Variants in FARS2 observed in about 807,000 individuals in gnomAD.
FARS2 encodes the protein phenylalanine--tRNA ligase, mitochondrial.
Under a neutral mutation model 46.4 loss-of-function variants are expected in FARS2, and 40 were observed. The ratio of observed to expected loss-of-function variants is 0.86; its 90% CI spans 0.67 to 1.12. The LOEUF is 1.12. Among genes scored for constraint, FARS2 ranks in the 50% most tolerant of loss-of-function variants. FARS2 has a pLI of 0.00. For missense variants in FARS2, 513 were observed against 567.9 expected (o/e 0.90, Z 0.98); for synonymous variants, 234 against 214.9 (o/e 1.09, Z -0.78).
chr6:5,584,608 T>C (rs1458984183), intron 5 of FARS2, among the ~76,000 whole-genome samples: 1 of 152,212 alleles, frequency 6.6e-6, no homozygotes, highest in Non-Finnish European at 1.5e-5. Context: ...TTAAAATGTA[T>C]TATTTGAAGA....
intron 6 of FARS2, among the ~76,000 whole-genome samples, chr6:5,633,262 CTTTTTTTTT>C (rs59797062): frequency 4.0e-5 from 2 of 50,046 alleles, no homozygotes; most frequent in Admixed American, 3.3e-4. Flanking sequence ...CCATCCCTGG[CTTTTTTTTT>C]TTTTTTTTTT....
intron 6 of FARS2, among the ~76,000 whole-genome samples, chr6:5,687,743 A>T: frequency 1.3e-5 from 2 of 152,264 alleles, no homozygotes; most frequent in Middle Eastern, 6.8e-3. Context: ...GAAGAAAGTC[A>T]TTGGTAACTT....
At chr6:5,736,265 G>T (rs1400547579) in intron 6 of FARS2, among the ~76,000 whole-genome samples, 1 of 152,198 alleles carries the variant, frequency 6.6e-6, no homozygotes, top group Admixed American at 6.5e-5. Flanking sequence ...GCAGGGAGAG[G>T]CCACATGTCT....
chr6:5,700,014 C>T (rs1430235779), intron 6 of FARS2, among the ~76,000 whole-genome samples: 5 of 152,200 alleles, frequency 3.3e-5, no homozygotes, highest in Admixed American at 6.5e-5. Context: ...GACTGACCTC[C>T]AGTCCCCGAA....
chr6:5,501,553 G>C (rs911235880), intron 4 of FARS2, among the ~76,000 whole-genome samples: 8 of 152,148 alleles, frequency 5.3e-5, no homozygotes, highest in Admixed American at 4.6e-4. Flanking sequence ...CTGGAGTGCA[G>C]TGGCGTGATC....
intron 6 of FARS2, among the ~76,000 whole-genome samples, chr6:5,719,540 G>A (rs1759753479): frequency 6.6e-6 from 1 of 152,170 alleles, no homozygotes. Context: ...TTGAAAGCGG[G>A]AGACCTTTCT....
upstream of FARS2, chr6:5,261,075 T>G (rs116440418): frequency 8.3e-3 from 3,735 of 451,680 alleles, 114 homozygotes; most frequent in African/African-American, 0.069. Context: ...ATAAGAGGAC[T>G]GGCCGCCCGT....
chr6:5,256,125 C>T (rs552050436), upstream of FARS2, among the ~76,000 whole-genome samples: 20 of 151,934 alleles, frequency 1.3e-4, no homozygotes, highest in South Asian at 2.1e-3. Context: ...TTAGTGGCTA[C>T]GGATGCTATT....
chr6:5,552,425 T>A (rs7744300), intron 5 of FARS2, among the ~76,000 whole-genome samples: 6 of 152,098 alleles, frequency 3.9e-5, no homozygotes, highest in Non-Finnish European at 8.8e-5. Context: ...TTTCTCTTCC[T>A]TGGTCTCCTT....
At chr6:5,581,181 C>G (rs1398294051) in intron 5 of FARS2, among the ~76,000 whole-genome samples, 1 of 152,204 alleles carries the variant, frequency 6.6e-6, no homozygotes, top group African/African-American at 2.4e-5. Context: ...CTGGTATGTG[C>G]CCAGCACCGG....
chr6:5,272,104 C>T (rs959421323), intron 1 of FARS2, among the ~76,000 whole-genome samples: 13 of 152,128 alleles, frequency 8.5e-5, no homozygotes, highest in African/African-American at 3.1e-4. Context: ...TGAATCCTCC[C>T]TTTGTCCAGT....
rs376817560 is a variant in FARS2 at position 5,725,323 on chromosome 6, G to A, written c.1218-45968G>A. Among the ~76,000 whole-genome samples, 19 of 152,362 alleles carry A rather than the reference G, an allele frequency of 1.2e-4. No homozygotes were observed. The South Asian group carries it at 3.9e-3, about 32-fold the overall frequency. On this transcript the variant is annotated intron_variant, in intron 6 of 6. Transcript: ENST00000274680. ...GAAAGGAGCTTTGGAGGCAGGTTGG[G>A]CAAGGCATTAAGTGCCAGAGTAAGA...
At chr6:5,609,611 T>A in intron 5 of FARS2, 1 of 1,236,732 alleles carries the variant, frequency 8.1e-7, no homozygotes, top group Non-Finnish European at 1.2e-6. Flanking sequence ...TTCACCTCTT[T>A]GGCTGAAAGA....
intron 6 of FARS2, among the ~76,000 whole-genome samples, chr6:5,648,152 G>A (rs887282448): frequency 5.9e-5 from 9 of 152,136 alleles, no homozygotes; most frequent in Non-Finnish European, 7.3e-5. Flanking sequence ...AGATAATTCC[G>A]GAGAATTTCC....
At chr6:5,468,237 G>A (rs1428933581) in intron 4 of FARS2, among the ~76,000 whole-genome samples, 7 of 151,748 alleles carry the variant, frequency 4.6e-5, no homozygotes, top group Admixed American at 1.3e-4. Context: ...CTCATTCTAC[G>A]ATGCACTGCA....
rs1757647779 is a variant in FARS2, at chr6:5,352,662, A to G, written c.-21-15888A>G. Among the ~76,000 whole-genome samples the G allele has an allele frequency of 3.3e-5, 5 of 151,956 alleles. No individual in the cohort carries two copies. The South Asian group carries it at 1.0e-3, about 32-fold the overall frequency. On this transcript the variant is annotated intron_variant, in intron 1 of 6. Transcript: ENST00000274680. ...ACTCATCTCTCAGTTTCCGCTAACT[A>G]TAAATTTTACATTTCTTTTGAGATG...
chr6:5,340,120 T>A (rs1771451660), intron 1 of FARS2, among the ~76,000 whole-genome samples: 1 of 152,242 alleles, frequency 6.6e-6, no homozygotes, highest in Non-Finnish European at 1.5e-5. Context: ...CTTTCACATC[T>A]ACTTATCACA....
At chr6:5,352,127 T>A (rs1353816052) in intron 1 of FARS2, among the ~76,000 whole-genome samples, 1 of 150,364 alleles carries the variant, frequency 6.7e-6, no homozygotes, top group African/African-American at 2.5e-5. Context: ...TGAGGTTTTT[T>A]TTTTGTGATT....
intron 1 of FARS2, among the ~76,000 whole-genome samples, chr6:5,338,428 C>T (rs1771314566): frequency 1.3e-5 from 2 of 152,208 alleles, no homozygotes; most frequent in South Asian, 4.1e-4. Flanking sequence ...TCTTTCTTTT[C>T]TCCTCAGCAG....
Sources: gnomAD v4.1 joint callset for allele counts (sites outside exome capture counted in the v4.1 genomes callset) on GRCh38, gnomAD v4.1.1 for gene constraint, MANE v1.5 for transcripts, NCBI Gene and HGNC (gene_info 2026-07-23, HGNC 2026-07-21) for gene names.